Variants in DZIP3 observed in about 807,000 individuals in gnomAD.
DZIP3 encodes the protein E3 ubiquitin-protein ligase DZIP3.
Under a neutral mutation model 162.0 loss-of-function variants are expected in DZIP3, and 118 were observed. The observed-to-expected ratio is 0.73, with a 90% CI of 0.63 to 0.85. The LOEUF is 0.85. Among genes scored for constraint, DZIP3 ranks in the 40% least tolerant of loss-of-function variants. The pLI, the probability that DZIP3 is intolerant of heterozygous loss-of-function variation, is 0.00. For missense variants in DZIP3, 1,331 were observed against 1,407.0 expected, an observed-to-expected ratio of 0.95 and a Z score of 0.86; for synonymous variants, 438 against 458.6, an observed-to-expected ratio of 0.96 and a Z score of 0.57.
intron 1 of DZIP3, among the ~76,000 whole-genome samples, chr3:108,600,619 G>A (rs78732246): frequency 0.019 from 2,892 of 152,102 alleles, 101 homozygotes; most frequent in African/African-American, 0.067. Flanking sequence ...TCACAGTAGG[G>A]AATTAGAAGA....
chr3:108,608,192 T>C, intron 3 of DZIP3, 34 bp downstream of exon 3: 1 of 1,431,476 alleles, frequency 7.0e-7, no homozygotes, highest in Non-Finnish European at 9.5e-7. Context: ...TAACTGTTAG[T>C]TAATTGATAA....
At chr3:108,611,060 G>C in intron 3 of DZIP3, 114 bp from the exon 4 acceptor site, 1 of 995,722 alleles carries the variant, frequency 1.0e-6, no homozygotes, top group Non-Finnish European at 1.5e-6. Flanking sequence ...TAGAAGCTAG[G>C]AGAACAAGGG....
At chr3:108,613,003 C>G (rs1025015720) in intron 4 of DZIP3, among the ~76,000 whole-genome samples, 5 of 152,098 alleles carry the variant, frequency 3.3e-5, no homozygotes, top group African/African-American at 1.2e-4. Flanking sequence ...TCTAAAGAAT[C>G]AAAATCTCTG....
chr3:108,623,797 A>G (rs1941475128), intron 5 of DZIP3, among the ~76,000 whole-genome samples: 1 of 152,172 alleles, frequency 6.6e-6, no homozygotes, highest in Admixed American at 6.5e-5. Flanking sequence ...GGCTTGCTGG[A>G]ACTCAGGCTC....
Position 108,677,482 on chromosome 3 carries a change from GTCT to G in DZIP3, c.2782-8_2782-6del, listed in dbSNP as rs763370884. On this transcript the variant is annotated splice_polypyrimidine_tract_variant and intron_variant, in intron 25 of 32. Transcript: ENST00000361582. The stretch of plus-strand genomic sequence containing the variant: ...TTGGTTGTTCTCTAAAGTATTTTTA[GTCT>G]TCTTCTACCAGACACAGTACAATGA... The G allele has an allele frequency of 7.0e-5, 112 of 1,608,392 alleles. No homozygotes were observed. In the South Asian group the frequency reaches 1.1e-3, roughly 16 times the overall value.
At chr3:108,643,608 G>T (rs1942493653) in intron 13 of DZIP3, among the ~76,000 whole-genome samples, 1 of 150,478 alleles carries the variant, frequency 6.6e-6, no homozygotes, top group African/African-American at 2.5e-5. Context: ...GAGCTATCTA[G>T]TATAGCAGTC....
chr3:108,646,136 A>T (rs932241067), intron 14 of DZIP3, among the ~76,000 whole-genome samples: 3 of 152,062 alleles, frequency 2.0e-5, no homozygotes, highest in African/African-American at 7.2e-5. Context: ...CTCCATGAAG[A>T]TTGTCTTTTT....
intron 23 of DZIP3, 125 bp downstream of exon 23, chr3:108,672,781 C>A: frequency 1.3e-6 from 1 of 765,312 alleles, no homozygotes; most frequent in Non-Finnish European, 2.1e-6. Flanking sequence ...TTAGGATCAG[C>A]CAGGAAAATA....
rs377648136 is a variant in DZIP3, at chr3:108,610,486, A to G, written c.103-688A>G. On this transcript the variant is annotated intron_variant, in intron 3 of 32. Coordinates refer to ENST00000361582, the MANE Select transcript of DZIP3 (RefSeq NM_014648.4). ...TCTGTTAGAGAACTGAAAGTGAGTT[A>G]GCCCATACAAGGGCATTTCAGCATC... is the stretch of plus-strand genomic sequence containing the variant. Among the ~76,000 whole-genome samples the G allele has an allele frequency of 4.5e-4, 68 of 152,324 alleles. 3 individuals are homozygous for G. In the South Asian group the frequency reaches 0.011, roughly 25 times the overall value.
At chr3:108,690,571 T>G (rs915348058) in intron 31 of DZIP3, among the ~76,000 whole-genome samples, 2 of 152,200 alleles carry the variant, frequency 1.3e-5, no homozygotes, top group African/African-American at 4.8e-5. Flanking sequence ...TCTAGTAGAA[T>G]AAACTGGCTA....
chr3:108,688,681 C>T lies in DZIP3; in HGVS notation c.3359C>T (p.Ala1120Val). The T allele has an allele frequency of 6.2e-7, 1 of 1,614,090 alleles. No homozygotes were observed. The highest frequency in any genetic ancestry group is 8.5e-7 in the Non-Finnish European group (1 of 1,180,010). ...QPDAAQPPKP[A>V]WRPLTSQGPA... ...GATGCTGCCCAGCCCCCAAAACCAG[C>T]CTGGAGGCCACTCACTTCACAGGGT... is the stretch of plus-strand genomic sequence containing the variant. The change falls in exon 30 of 33, where the codon GCC (alanine) becomes GTC (valine). Residue 1120 changes from alanine to valine, a missense_variant. By Grantham distance (64) the Ala-to-Val change is moderately conservative. Around this residue, in one of 2 missense-constraint regions of DZIP3, gnomAD observed 1,278 missense variants for 1,317.1 expected, o/e 0.97. Coordinates refer to ENST00000361582, the MANE Select transcript of DZIP3 (RefSeq NM_014648.4).
At chr3:108,671,528 A>G (rs1309125581) in intron 22 of DZIP3, among the ~76,000 whole-genome samples, 1 of 151,904 alleles carries the variant, frequency 6.6e-6, no homozygotes, top group Non-Finnish European at 1.5e-5. Context: ...TAAACAATGT[A>G]TTTACCATCA....
intron 19 of DZIP3, among the ~76,000 whole-genome samples, chr3:108,657,684 C>T (rs1370012710): frequency 6.6e-6 from 1 of 152,142 alleles, no homozygotes; most frequent in East Asian, 1.9e-4. Flanking sequence ...AATTAAAAGA[C>T]ACAGAGTGGC....
chr3:108,620,338 A>G (rs1407431877), intron 5 of DZIP3, among the ~76,000 whole-genome samples: 1 of 152,196 alleles, frequency 6.6e-6, no homozygotes, highest in Non-Finnish European at 1.5e-5. Context: ...AGCATAAATC[A>G]TAGTGTTTGC....
intron 14 of DZIP3, among the ~76,000 whole-genome samples, chr3:108,645,314 C>T (rs1322833679): frequency 6.6e-6 from 1 of 152,110 alleles, no homozygotes; most frequent in East Asian, 1.9e-4. Flanking sequence ...CATGTAAGTA[C>T]TGTGTGGTTT....
In DZIP3 at chr3:108,669,605, G is replaced by A; in HGVS notation, c.2424-76G>A. 3.0e-6 allele frequency: 4 copies of A among 1,332,930 alleles called. No individual in the cohort carries two copies. The South Asian group carries it at 5.1e-5, about 17-fold the overall frequency. The allele number at this position is 1,332,930 out of a possible 1,614,324, so 82.6% of individuals were successfully genotyped here. On this transcript the variant is annotated intron_variant, in intron 21 of 32. Coordinates refer to ENST00000361582, the MANE Select transcript of DZIP3 (RefSeq NM_014648.4). ...GACATACTTTATCTCCTCCACAGCTGTAGTTAGAGCTCTTCTGACTGTGTT... is the reference window on the plus strand; with the variant it reads ...GACATACTTTATCTCCTCCACAGCTATAGTTAGAGCTCTTCTGACTGTGTT...
chr3:108,649,264 C>G (rs571394724), intron 17 of DZIP3, among the ~76,000 whole-genome samples: 1 of 151,712 alleles, frequency 6.6e-6, no homozygotes, highest in Non-Finnish European at 1.5e-5. Context: ...TTTTAAAATG[C>G]GTACTCATTG....
chr3:108,692,530 G>A (rs9825066), intron 32 of DZIP3, among the ~76,000 whole-genome samples: 2,895 of 152,014 alleles, frequency 0.019, 100 homozygotes, highest in African/African-American at 0.067. Flanking sequence ...TTAAAGTCAG[G>A]GCACATGCGT....
At chr3:108,686,304 A>G in intron 27 of DZIP3, 141 bp from the exon 28 acceptor site, 2 of 799,298 alleles carry the variant, frequency 2.5e-6, no homozygotes, top group Non-Finnish European at 3.7e-6. Context: ...AGTTACAAAC[A>G]ATTAGAAATA....
Sources: gnomAD v4.1 joint callset for allele counts (sites outside exome capture counted in the v4.1 genomes callset) on GRCh38, gnomAD v4.1.1 for gene constraint, gnomAD v4.1.1 regional missense constraint, MANE v1.5 for transcripts, NCBI Gene and HGNC (gene_info 2026-07-23, HGNC 2026-07-21) for gene names.